AIF1L: variants seen among roughly 807,000 people sequenced by gnomAD.
The protein encoded by AIF1L is allograft inflammatory factor 1 like.
AIF1L carries 12 observed loss-of-function variants against 20.7 expected under a neutral mutation model. That is an observed-to-expected ratio of 0.58 (90% confidence interval 0.37 to 0.94). The LOEUF (loss-of-function observed/expected upper bound fraction) is 0.94, where lower values mean the gene tolerates loss of function less well. Among genes scored for constraint, AIF1L ranks in the 40% least tolerant of loss-of-function variants. AIF1L has a pLI of 0.01. For missense variants in AIF1L, 173 were observed against 185.3 expected, an observed-to-expected ratio of 0.93 and a Z score of 0.39; for synonymous variants, 76 against 65.1, an observed-to-expected ratio of 1.17 and a Z score of -0.81.
At chr9:131,099,883 C>T (rs190282590) in intron 2 of AIF1L, among the ~76,000 whole-genome samples, 235 of 152,044 alleles carry the variant, frequency 1.5e-3, no homozygotes, top group Middle Eastern at 3.4e-3. Context: ...CTTGCCACCA[C>T]GCCCAGCTAA....
At chr9:131,111,476 C>T in intron 2 of AIF1L, 121 bp from the exon 3 acceptor site, 2 of 853,912 alleles carry the variant, frequency 2.3e-6, no homozygotes, top group Non-Finnish European at 3.8e-6. Context: ...GAACAAGGGA[C>T]AAACTGGGTC....
intron 2 of AIF1L, among the ~76,000 whole-genome samples, chr9:131,099,872 G>C (rs933753691): frequency 6.6e-6 from 1 of 151,320 alleles, no homozygotes; most frequent in Non-Finnish European, 1.5e-5. Flanking sequence ...GACTACAGGC[G>C]CTTGCCACCA....
At chr9:131,113,606 C>G (rs1006199300) in intron 3 of AIF1L, among the ~76,000 whole-genome samples, 3 of 151,668 alleles carry the variant, frequency 2.0e-5, no homozygotes, top group Admixed American at 2.0e-4. Flanking sequence ...GTGTATCCCC[C>G]CTGAGATCAC....
At position 131,105,781 on chromosome 9, in the gene AIF1L, G is replaced by A. The variant is rs554202334; in HGVS notation, c.94-5816G>A. On this transcript the variant is annotated intron_variant, in intron 2 of 5. Coordinates refer to ENST00000247291, the MANE Select transcript of AIF1L (RefSeq NM_031426.4). ...GTGAGGATGGAGAAAATAATGGACCGAATGGCAGGCCTGTCCATTCATTCA... is the reference window on the plus strand; with the variant it reads ...GTGAGGATGGAGAAAATAATGGACCAAATGGCAGGCCTGTCCATTCATTCA... 2.6e-5 allele frequency among the ~76,000 whole-genome samples: 4 copies of A among 151,768 alleles called. No individual in the cohort carries two copies. In the East Asian group the frequency reaches 7.8e-4, roughly 30 times the overall value.
In AIF1L at chr9:131,121,918, A is replaced by G. The variant is rs1292632015; in HGVS notation, c.*1596A>G. The G allele has an allele frequency of 6.6e-6, 1 of 152,262 alleles. No individual in the cohort carries two copies. Among genetic ancestry groups the G allele is most frequent in the Non-Finnish European group, 1.5e-5 (1 of 68,048 alleles). The allele number at this position is 152,262 out of a possible 1,614,324, so 9.4% of individuals were successfully genotyped here. On this transcript the variant is annotated 3_prime_UTR_variant, in exon 6 of 6. Transcript: ENST00000247291. ...CCTGTGTTCTGAAGTCTCTTACCCT[A>G]CCTGCTCAGGACTGAGACAGTTATT...
intron 2 of AIF1L, among the ~76,000 whole-genome samples, chr9:131,107,313 C>T (rs1182389936): frequency 6.6e-6 from 1 of 152,182 alleles, no homozygotes; most frequent in East Asian, 1.9e-4. Context: ...TGTCTGTGTG[C>T]AATTTGTCTC....
At chr9:131,099,621 G>A (rs1830594969) in intron 2 of AIF1L, among the ~76,000 whole-genome samples, 1 of 152,202 alleles carries the variant, frequency 6.6e-6, no homozygotes, top group Non-Finnish European at 1.5e-5. Flanking sequence ...GCCCAGCTTG[G>A]CTGGCAGATC....
At chr9:131,118,268 T>C (rs1831057749) in intron 5 of AIF1L, among the ~76,000 whole-genome samples, 1 of 152,118 alleles carries the variant, frequency 6.6e-6, no homozygotes, top group Admixed American at 6.6e-5. Context: ...AATTTTTGTA[T>C]TTTTAGAAGA....
At chr9:131,099,795 C>T (rs982086165) in intron 2 of AIF1L, among the ~76,000 whole-genome samples, 2 of 148,274 alleles carry the variant, frequency 1.3e-5, no homozygotes, top group East Asian at 4.0e-4. Flanking sequence ...GGCGTGATCT[C>T]AGTTCACTGC....
At chr9:131,102,569 A>G (rs931841668) in intron 2 of AIF1L, among the ~76,000 whole-genome samples, 33 of 152,240 alleles carry the variant, frequency 2.2e-4, no homozygotes, top group Non-Finnish European at 4.0e-4. Context: ...GCCGTGTCAC[A>G]GGAAGCTGGA....
At chr9:131,106,762 GTCGGCCGCATTGAGAAGGTGACAT>G (rs36231826) in intron 2 of AIF1L, among the ~76,000 whole-genome samples, 35,201 of 151,014 alleles carry the variant, frequency 0.23, 4,539 homozygotes, top group East Asian at 0.33. Flanking sequence ...AATAAATAGG[GTCGGCCGCATTGAGAAGGTGACAT>G]TCGGCCGCAT....
chr9:131,099,460 G>A (rs1434765007), intron 2 of AIF1L, among the ~76,000 whole-genome samples: 1 of 152,254 alleles, frequency 6.6e-6, no homozygotes, highest in Admixed American at 6.5e-5. Flanking sequence ...AATTGTGCTG[G>A]CAGCCCGGAC....
In AIF1L at chr9:131,120,285, GC is replaced by G. The variant is rs1017714008; in HGVS notation, c.422del (p.Pro141LeufsTer33). ...KANESSPKPV[G>X]PPPERDIASL... ...AACGAGAGCAGCCCCAAGCCAGTTG[GC>G]CCCCCTCCAGAGAGAGACATTGCTA... On this transcript the variant is annotated frameshift_variant, in exon 6 of 6. Transcript: ENST00000247291. LOFTEE classifies it high-confidence loss of function. 1 of 1,613,582 alleles carries G rather than the reference GC, an allele frequency of 6.2e-7. No homozygotes were observed. The highest frequency in any genetic ancestry group is 8.5e-7 in the Non-Finnish European group (1 of 1,179,874).
intron 5 of AIF1L, among the ~76,000 whole-genome samples, chr9:131,119,946 G>A (rs10122626): frequency 0.27 from 40,673 of 152,170 alleles, 5,550 homozygotes; most frequent in East Asian, 0.36. Flanking sequence ...GGTATGGCCT[G>A]GAAGTCAGAA....
intron 2 of AIF1L, among the ~76,000 whole-genome samples, chr9:131,101,223 G>A (rs1344293797): frequency 1.3e-5 from 2 of 152,108 alleles, no homozygotes; most frequent in Admixed American, 6.5e-5. Flanking sequence ...ACACAGTAAC[G>A]AGCTGTGGCT....
intron 2 of AIF1L, chr9:131,102,812 C>A: frequency 2.2e-6 from 1 of 446,596 alleles, no homozygotes; most frequent in Non-Finnish European, 4.5e-6. Context: ...CGTCAGAGGT[C>A]CTACGCCCCG....
chr9:131,097,259 G>A (rs1049178242), intron 2 of AIF1L, among the ~76,000 whole-genome samples: 1 of 152,156 alleles, frequency 6.6e-6, no homozygotes, highest in Non-Finnish European at 1.5e-5. Context: ...CTGGTCTGTC[G>A]CCCAGGCTGG....
rs193206006 is a variant in AIF1L at position 131,119,829 on chromosome 9, C to A, written c.366-406C>A. Among the ~76,000 whole-genome samples the A allele has an allele frequency of 1.5e-4, 23 of 152,322 alleles. 1 individual carries two copies. The East Asian group carries it at 3.9e-3, about 26-fold the overall frequency. The stretch of plus-strand genomic sequence containing the variant: ...TTATACGCTGAGCCCCTACCCTCTA[C>A]TCCCCAGACACCACTCTCAGAGCAG... On this transcript the variant is annotated intron_variant, in intron 5 of 5. Coordinates refer to ENST00000247291, the MANE Select transcript of AIF1L (RefSeq NM_031426.4).
chr9:131,116,516 G>A (rs1327822996), intron 4 of AIF1L, among the ~76,000 whole-genome samples: 2 of 152,258 alleles, frequency 1.3e-5, no homozygotes, highest in South Asian at 4.1e-4. Flanking sequence ...CGCCTGCCTC[G>A]TCGTCCCAAA....
Sources: allele counts gnomAD v4.1 joint callset (sites outside exome capture counted in the v4.1 genomes callset), GRCh38; gene constraint gnomAD v4.1.1; transcripts MANE v1.5; gene names NCBI Gene and HGNC (gene_info 2026-07-23, HGNC 2026-07-21).